The following CDK5RAP2 variants were observed in gnomAD, a reference collection of about 807,000 sequenced individuals.
The protein encoded by CDK5RAP2 is CDK5 regulatory subunit associated protein 2.
CDK5RAP2 carries 147 observed loss-of-function variants against 232.9 expected under a neutral mutation model. That is an observed-to-expected ratio of 0.63 (90% CI 0.55 to 0.72). The LOEUF is 0.72. Among genes scored for constraint, CDK5RAP2 ranks in the 30% least tolerant of loss-of-function variants. The pLI, the probability that CDK5RAP2 is intolerant of heterozygous loss-of-function variation, is 0.00. For synonymous variants in CDK5RAP2, 833 were observed against 833.7 expected, an observed-to-expected ratio of 1.00 and a Z score of 0.01; for missense variants, 2,195 against 2,231.5, an observed-to-expected ratio of 0.98 and a Z score of 0.33.
Position 120,539,104 on chromosome 9 carries a change from A to G in CDK5RAP2, c.444T>C (p.Asp148=). The part of the protein sequence containing the change: ...GGSEIQRVKE[D]ARKKVQQVED... The stretch of plus-strand genomic sequence containing the variant: ...CCACCTGCTGCACCTTCTTTCGAGC[A>G]TCTTCTTTCACCCGCTGGATTTCAG... Residue 148 remains aspartate (D), a synonymous_variant, in exon 6 of 38, where the codon GAT becomes GAC. Coordinates refer to ENST00000349780, the MANE Select transcript of CDK5RAP2 (RefSeq NM_018249.6). 6.2e-7 allele frequency: 1 copy of G among 1,614,028 alleles called. No homozygotes were observed. The highest frequency in any genetic ancestry group is 8.5e-7 in the Non-Finnish European group (1 of 1,179,926).
rs563546875 is a variant in CDK5RAP2 at position 120,499,906 on chromosome 9, A to G, written c.1312-8429T>C. 1.2e-4 allele frequency among the ~76,000 whole-genome samples: 19 copies of G among 152,336 alleles called. 1 individual carries two copies. The South Asian group carries it at 3.3e-3, about 27-fold the overall frequency. On this transcript the variant is annotated intron_variant, in intron 12 of 37. Coordinates refer to ENST00000349780, the MANE Select transcript of CDK5RAP2 (RefSeq NM_018249.6). Reference sequence around the variant, plus strand: ...ACTTTACCCCATTTCACTTTACTCCATTATACTATATGGCCTACAAAGAGC... The same window carrying G: ...ACTTTACCCCATTTCACTTTACTCCGTTATACTATATGGCCTACAAAGAGC...
At chr9:120,527,513 G>A (rs1214185549) in intron 10 of CDK5RAP2, among the ~76,000 whole-genome samples, 2 of 14,748 alleles carry the variant, frequency 1.4e-4, no homozygotes, top group Non-Finnish European at 9.8e-4. Flanking sequence ...TTATGTTTTG[G>A]GGGGGGATAT....
intron 22 of CDK5RAP2, 136 bp downstream of exon 22, chr9:120,447,759 G>A: frequency 1.3e-6 from 1 of 769,632 alleles, no homozygotes; most frequent in Non-Finnish European, 2.4e-6. Context: ...TTTGTCAAGA[G>A]TCAAGATTAA....
intron 20 of CDK5RAP2, among the ~76,000 whole-genome samples, chr9:120,454,716 T>C (rs1057355984): frequency 2.0e-5 from 3 of 152,196 alleles, no homozygotes; most frequent in Admixed American, 6.5e-5. Flanking sequence ...TGAAACAGTT[T>C]CCATTTCTGG....
chr9:120,444,220 C>T (rs2036060491), intron 22 of CDK5RAP2, among the ~76,000 whole-genome samples: 1 of 152,196 alleles, frequency 6.6e-6, no homozygotes, highest in Non-Finnish European at 1.5e-5. Context: ...TCAAGACCAG[C>T]CTGGGCAATA....
intron 11 of CDK5RAP2, among the ~76,000 whole-genome samples, chr9:120,520,832 T>G (rs1437554952): frequency 3.5e-3 from 527 of 150,644 alleles, no homozygotes; most frequent in African/African-American, 0.012. Flanking sequence ...ATATCTCATA[T>G]GAGCTGTATC....
rs144257203 is a variant in CDK5RAP2 at position 120,432,411 on chromosome 9, T to G, written c.3955+4884A>C. Among the ~76,000 whole-genome samples the G allele has an allele frequency of 1.2e-3, 180 of 152,308 alleles. 1 individual carries two copies. Among genetic ancestry groups the G allele is most frequent in the African/African-American group, 4.2e-3 (174 of 41,572 alleles). Reference sequence around the variant, plus strand: ...CTTATCTTTTATTCCACAGTAAACATGTATTGCTTTGTATTAATTTTTTTA... The same window carrying G: ...CTTATCTTTTATTCCACAGTAAACAGGTATTGCTTTGTATTAATTTTTTTA... On this transcript the variant is annotated intron_variant, in intron 25 of 37. Coordinates refer to ENST00000349780, the MANE Select transcript of CDK5RAP2 (RefSeq NM_018249.6).
chr9:120,410,358 T>G (rs749249493), intron 29 of CDK5RAP2, among the ~76,000 whole-genome samples: 2 of 152,200 alleles, frequency 1.3e-5, no homozygotes, highest in Non-Finnish European at 2.9e-5. Context: ...CTCTTCCTTC[T>G]ATTTAAAAGG....
intron 25 of CDK5RAP2, among the ~76,000 whole-genome samples, chr9:120,423,745 T>C (rs1241676009): frequency 6.6e-6 from 1 of 152,210 alleles, no homozygotes; most frequent in Non-Finnish European, 1.5e-5. Flanking sequence ...AATGAGACTA[T>C]AATTAAACTG....
At chr9:120,500,301 C>T (rs143789380) in intron 12 of CDK5RAP2, among the ~76,000 whole-genome samples, 78 of 152,014 alleles carry the variant, frequency 5.1e-4, no homozygotes, top group African/African-American at 1.8e-3. Context: ...TTTCTAACTT[C>T]TGATTTGTTT....
chr9:120,557,162 A>T (rs2042259958), intron 3 of CDK5RAP2, among the ~76,000 whole-genome samples: 2 of 152,156 alleles, frequency 1.3e-5, no homozygotes, highest in Admixed American at 1.3e-4. Flanking sequence ...GACAGTCCCA[A>T]ATGAATAAAA....
chr9:120,445,890 G>A (rs1007922426), intron 22 of CDK5RAP2, among the ~76,000 whole-genome samples: 1 of 152,028 alleles, frequency 6.6e-6, no homozygotes, highest in South Asian at 2.1e-4. Context: ...TATCTCCACC[G>A]GAATGGTCAA....
At chr9:120,562,488 T>A (rs1028289983) in intron 3 of CDK5RAP2, among the ~76,000 whole-genome samples, 7 of 152,158 alleles carry the variant, frequency 4.6e-5, no homozygotes, top group Non-Finnish European at 1.0e-4. Context: ...TCAGGCTATA[T>A]GTTGTGCACA....
chr9:120,404,097 G>A lies in CDK5RAP2; in HGVS notation c.4980C>T (p.Pro1660=). 1 of 1,612,418 alleles carries A rather than the reference G, an allele frequency of 6.2e-7. No homozygotes were observed. The highest frequency in any genetic ancestry group is 2.2e-5 in the East Asian group (1 of 44,874). The change falls in exon 33 of 38, where the codon CCC becomes CCT. Residue 1660 remains proline (P), a synonymous_variant. Coordinates refer to ENST00000349780, the MANE Select transcript of CDK5RAP2 (RefSeq NM_018249.6). ...QPDKHDGDKY[P]MESDNSFDLF... is the part of the protein sequence containing the mutation. ...GATCAAATGAATTATCACTTTCCAT[G>A]GGATATTTGTCACCATCTACAAAAT...
chr9:120,546,711 C>T (rs758350528), intron 4 of CDK5RAP2, among the ~76,000 whole-genome samples: 2 of 152,142 alleles, frequency 1.3e-5, no homozygotes, highest in Non-Finnish European at 2.9e-5. Context: ...TAGCTCACTG[C>T]AGGCCTCAAA....
intron 36 of CDK5RAP2, among the ~76,000 whole-genome samples, chr9:120,394,218 C>T (rs894408130): frequency 7.2e-5 from 11 of 152,188 alleles, no homozygotes; most frequent in African/African-American, 1.9e-4. Flanking sequence ...GACAGAGTGA[C>T]GGCCACCCAA....
intron 37 of CDK5RAP2, 136 bp downstream of exon 37, chr9:120,389,605 G>A (rs911710696): frequency 2.4e-6 from 2 of 837,190 alleles, no homozygotes; most frequent in Non-Finnish European, 4.0e-6. Context: ...TTCATGCACT[G>A]CTGGCAGAAA....
intron 27 of CDK5RAP2, among the ~76,000 whole-genome samples, chr9:120,417,304 G>C (rs1331263341): frequency 7.3e-6 from 1 of 136,726 alleles, no homozygotes; most frequent in Non-Finnish European, 1.6e-5. Context: ...AACTCCGGGC[G>C]CCCACAGCAC....
In CDK5RAP2 at chr9:120,437,500, G is replaced by C; in HGVS notation, c.3750C>G (p.Ala1250=). The C allele has an allele frequency of 6.2e-7, 1 of 1,613,750 alleles. No homozygotes were observed. The change falls in exon 25 of 38, where the codon GCC becomes GCG. Residue 1250 remains alanine (A), a synonymous_variant. Transcript: ENST00000349780. The stretch of plus-strand genomic sequence containing the variant: ...GCTGCCGTTGAAGGGAGAGCTCCCT[G>C]GCTTGGGACTGAACTAATGAATCGT... ...PRYDSLVQSQ[A]RELSLQRQQI...
Sources: gnomAD v4.1 joint callset for allele counts (sites outside exome capture counted in the v4.1 genomes callset) on GRCh38, gnomAD v4.1.1 for gene constraint, MANE v1.5 for transcripts, NCBI Gene and HGNC (gene_info 2026-07-23, HGNC 2026-07-21) for gene names.